Variants in TRPM8 observed in about 807,000 individuals in gnomAD.
TRPM8 encodes the protein transient receptor potential cation channel subfamily M member 8, also known as TRPM8 cationic channel.
A neutral mutation model predicts 133.7 loss-of-function variants in TRPM8; 110 were observed. The observed-to-expected ratio is 0.82, with a 90% CI of 0.70 to 0.96. TRPM8 has a LOEUF of 0.96. Among genes scored for constraint, TRPM8 ranks in the 40% least tolerant of loss-of-function variants. TRPM8 has a pLI of 0.00. For missense variants in TRPM8, 1,291 were observed against 1,379.5 expected (o/e 0.94, Z 1.02); for synonymous variants, 535 against 532.3 (o/e 1.01, Z -0.07).
chr2:233,987,702 C>A (rs4663996), intron 21 of TRPM8, among the ~76,000 whole-genome samples: 35,473 of 152,248 alleles, frequency 0.23, 5,097 homozygotes, highest in Non-Finnish European at 0.32. Flanking sequence ...CAAATCTCAT[C>A]TTGAATGGTA....
chr2:233,990,364 G>C (rs1251119699), intron 21 of TRPM8, among the ~76,000 whole-genome samples: 3 of 152,202 alleles, frequency 2.0e-5, no homozygotes, highest in Admixed American at 2.0e-4. Context: ...CTAGCAGCCG[G>C]TCAGAACGGG....
intron 13 of TRPM8, 64 bp downstream of exon 13, chr2:233,963,441 C>A (rs1002176755): frequency 2.9e-6 from 3 of 1,020,334 alleles, no homozygotes; most frequent in Non-Finnish European, 4.4e-6. Context: ...AGTTCTGATC[C>A]TCTCAAAATT....
intron 6 of TRPM8, chr2:233,943,106 A>C: frequency 3.5e-6 from 1 of 286,786 alleles, no homozygotes; most frequent in African/African-American, 3.7e-5. Context: ...TAGGATGGCT[A>C]TGTTTTTTTT....
chr2:234,006,787 A>T, intron 22 of TRPM8, 66 bp from the exon 23 acceptor site: 2 of 1,226,076 alleles, frequency 1.6e-6, no homozygotes, highest in South Asian at 1.3e-5. Flanking sequence ...GCCTTAGAAG[A>T]TCTTAATTTA....
At chr2:233,975,367 C>T (rs990551125) in intron 17 of TRPM8, among the ~76,000 whole-genome samples, 4 of 152,104 alleles carry the variant, frequency 2.6e-5, no homozygotes, top group Non-Finnish European at 5.9e-5. Context: ...GCCCACAGCC[C>T]CACAGCCAGG....
intron 9 of TRPM8, chr2:233,953,686 T>C: frequency 2.5e-6 from 1 of 397,230 alleles, no homozygotes; most frequent in Non-Finnish European, 4.6e-6. Context: ...GATGCACACA[T>C]CTCTAGTCAA....
At chr2:234,005,967 C>CAGAG (rs1553671014) in intron 22 of TRPM8, among the ~76,000 whole-genome samples, 3 of 150,776 alleles carry the variant, frequency 2.0e-5, no homozygotes, top group Admixed American at 1.3e-4. Context: ...CACACACACA[C>CAGAG]AGAATTTGCT....
rs1458019091 is a variant in TRPM8 at position 234,014,667 on chromosome 2, A to G, written c.*42+13A>G. 4.1e-6 allele frequency: 4 copies of G among 978,380 alleles called. No individual in the cohort carries two copies. Among genetic ancestry groups the G allele is most frequent in the South Asian group, 3.3e-5 (2 of 61,482 alleles). The allele number at this position is 978,380 out of a possible 1,614,324, so 60.6% of individuals were successfully genotyped here. On this transcript the variant is annotated intron_variant, in intron 25 of 25. Transcript: ENST00000324695. ...TAATTATAGCAAGGTGAGTCATTCT[A>G]ATAGCTTTTTACTTTGCTCTGAAGA...
At chr2:233,917,721 G>T (rs1423170766) in intron 1 of TRPM8, among the ~76,000 whole-genome samples, 1 of 152,102 alleles carries the variant, frequency 6.6e-6, no homozygotes, top group Admixed American at 6.5e-5. Flanking sequence ...TCTGATTGAA[G>T]GAGTTAGAAA....
intron 8 of TRPM8, chr2:233,947,722 T>C: frequency 8.8e-6 from 6 of 682,228 alleles, no homozygotes; most frequent in Non-Finnish European, 1.3e-5. Context: ...ATTACTGAGT[T>C]CATCTTGCCT....
At chr2:233,955,615 A>G (rs1486863785) in intron 11 of TRPM8, among the ~76,000 whole-genome samples, 1 of 152,170 alleles carries the variant, frequency 6.6e-6, no homozygotes, top group East Asian at 1.9e-4. Context: ...AAGTAGCTCA[A>G]CTATAAATCC....
chr2:233,951,970 G>A (rs199915025), intron 9 of TRPM8, among the ~76,000 whole-genome samples: 2 of 152,116 alleles, frequency 1.3e-5, no homozygotes, highest in Admixed American at 6.5e-5. Flanking sequence ...CACTCTAAGC[G>A]ATGCATTATA....
chr2:234,016,594 T>G (rs762618181), intron 25 of TRPM8, among the ~76,000 whole-genome samples: 1 of 152,180 alleles, frequency 6.6e-6, no homozygotes, highest in African/African-American at 2.4e-5. Context: ...GGGGCAAGCC[T>G]GTACCAATTC....
chr2:234,008,771 C>A (rs1221603212), intron 24 of TRPM8, among the ~76,000 whole-genome samples: 1 of 152,240 alleles, frequency 6.6e-6, no homozygotes, highest in South Asian at 2.1e-4. Flanking sequence ...GGCAAAATCT[C>A]CACCACCCAG....
intron 21 of TRPM8, among the ~76,000 whole-genome samples, chr2:233,991,165 A>G (rs1692266704): frequency 6.6e-6 from 1 of 152,132 alleles, no homozygotes; most frequent in Non-Finnish European, 1.5e-5. Context: ...GGCAGGGGCT[A>G]GGTTATGGAG....
intron 1 of TRPM8, among the ~76,000 whole-genome samples, chr2:233,919,044 A>AT (rs66788814): frequency 7.0e-4 from 103 of 148,034 alleles, no homozygotes; most frequent in African/African-American, 1.9e-3. Flanking sequence ...CCCCCACCCC[A>AT]TTTTTTTTTT....
Position 233,996,409 on chromosome 2 carries a change from G to A in TRPM8, c.3023G>A (p.Arg1008His), listed in dbSNP as rs758520683. Residue 1008 changes from arginine to histidine, a missense_variant, in exon 22 of 26, where the codon CGC (arginine) becomes CAC (histidine). Coordinates refer to ENST00000324695, the MANE Select transcript of TRPM8 (RefSeq NM_024080.5). The stretch of plus-strand genomic sequence containing the variant: ...TTCCTGGTGCAGGAGTACTGCAGCC[G>A]CCTCAATATCCCCTTCCCCTTCATC... ...RYFLVQEYCS[R>H]LNIPFPFIVF... 1.9e-5 allele frequency: 30 copies of A among 1,614,060 alleles called. No homozygotes were observed. The highest frequency in any genetic ancestry group is 6.7e-5 in the East Asian group (3 of 44,896).
intron 24 of TRPM8, among the ~76,000 whole-genome samples, chr2:234,012,790 C>A (rs1434778073): frequency 6.6e-6 from 1 of 151,604 alleles, no homozygotes; most frequent in African/African-American, 2.4e-5. Flanking sequence ...CCTTCTATAT[C>A]GATTTTGTTG....
rs542426221 is a variant in TRPM8 at position 233,927,757 on chromosome 2, T to C, written c.117+1103T>C. Among the ~76,000 whole-genome samples the C allele has an allele frequency of 1.4e-3, 93 of 68,226 alleles. 1 individual carries two copies. Among genetic ancestry groups the C allele is most frequent in the African/African-American group, 9.6e-3 (49 of 5,110 alleles). 44.8% of individuals were successfully genotyped at this position (68,226 alleles called of 152,430 possible). On this transcript the variant is annotated intron_variant, in intron 2 of 25. Transcript: ENST00000324695. ...TTCTTTCTTTCTTTCTTTCTTTCTT[T>C]CTTTCTTTCTTTCTTTCTTTCTTTC...
Sources: allele counts gnomAD v4.1 joint callset (sites outside exome capture counted in the v4.1 genomes callset), GRCh38; gene constraint gnomAD v4.1.1; transcripts MANE v1.5; gene names NCBI Gene and HGNC (gene_info 2026-07-23, HGNC 2026-07-21).